The following LRRTM4 variants were observed in gnomAD, a reference collection of about 807,000 sequenced individuals.
LRRTM4 encodes leucine-rich repeat transmembrane neuronal protein 4.
In LRRTM4, 25 loss-of-function variants were observed where a neutral mutation model predicts 47.6. The ratio of observed to expected loss-of-function variants is 0.53; its 90% confidence interval spans 0.38 to 0.73. The LOEUF is 0.73. LRRTM4 is among the 30% of genes least tolerant of loss of function. LRRTM4 has a pLI of 0.00. For missense variants in LRRTM4, 638 were observed against 713.4 expected, an observed-to-expected ratio of 0.89 and a Z score of 1.20; for synonymous variants, 311 against 269.5, an observed-to-expected ratio of 1.15 and a Z score of -1.51.
At chr2:77,479,707 ATC>A (rs1677580262) in intron 3 of LRRTM4, among the ~76,000 whole-genome samples, 2 of 150,594 alleles carry the variant, frequency 1.3e-5, no homozygotes, top group African/African-American at 4.9e-5. Context: ...TCTCGTCTCC[ATC>A]TCTCTCTTTC....
chr2:77,269,329 C>T (rs563635980), intron 3 of LRRTM4, among the ~76,000 whole-genome samples: 1 of 152,106 alleles, frequency 6.6e-6, no homozygotes, highest in African/African-American at 2.4e-5. Context: ...TAGATTGACT[C>T]ATAAATGTTC....
At chr2:77,418,150 A>G (rs1186695997) in intron 3 of LRRTM4, among the ~76,000 whole-genome samples, 1 of 152,212 alleles carries the variant, frequency 6.6e-6, no homozygotes, top group Admixed American at 6.5e-5. Context: ...AAGGGTTCTT[A>G]GCGTAGACCC....
intron 3 of LRRTM4, among the ~76,000 whole-genome samples, chr2:77,351,734 C>A (rs1037511763): frequency 6.6e-6 from 1 of 151,116 alleles, no homozygotes; most frequent in Non-Finnish European, 1.5e-5. Flanking sequence ...GTCATGAATT[C>A]AGACTACTTG....
At chr2:76,876,806 A>G (rs1019492117) in intron 3 of LRRTM4, among the ~76,000 whole-genome samples, 3 of 151,996 alleles carry the variant, frequency 2.0e-5, no homozygotes, top group Non-Finnish European at 4.4e-5. Context: ...ATCTCTGTCA[A>G]TTTTTTATTT....
chr2:77,193,496 C>CT (rs965035828), intron 3 of LRRTM4, among the ~76,000 whole-genome samples: 43 of 145,202 alleles, frequency 3.0e-4, no homozygotes, highest in South Asian at 2.6e-3. Context: ...ATGCCTTGCT[C>CT]TTTTTTTTTT....
At chr2:76,892,886 G>A (rs1368340871) in intron 3 of LRRTM4, among the ~76,000 whole-genome samples, 1 of 151,098 alleles carries the variant, frequency 6.6e-6, no homozygotes, top group Non-Finnish European at 1.5e-5. Flanking sequence ...ATGAAAATGT[G>A]GTAAGAAACA....
At chr2:77,134,276 C>T (rs975803042) in intron 3 of LRRTM4, among the ~76,000 whole-genome samples, 3 of 151,942 alleles carry the variant, frequency 2.0e-5, no homozygotes, top group Admixed American at 6.6e-5. Flanking sequence ...CTTCTAGTGC[C>T]GTGACTTGTT....
chr2:76,795,365 C>CAACT (rs773857095), intron 3 of LRRTM4, among the ~76,000 whole-genome samples: 1 of 145,710 alleles, frequency 6.9e-6, no homozygotes, highest in Admixed American at 7.1e-5. Context: ...TGAATTTAAC[C>CAACT]AACTTTATAT....
chr2:77,349,026 A>G (rs1455954827), intron 3 of LRRTM4, among the ~76,000 whole-genome samples: 1 of 151,946 alleles, frequency 6.6e-6, no homozygotes, highest in Non-Finnish European at 1.5e-5. Context: ...AAGCATTTCC[A>G]GTAATATCAG....
At chr2:77,322,454 C>T (rs2104229742) in intron 3 of LRRTM4, among the ~76,000 whole-genome samples, 1 of 152,140 alleles carries the variant, frequency 6.6e-6, no homozygotes, top group African/African-American at 2.4e-5. Flanking sequence ...AAAAATTATT[C>T]TGCTTTCACT....
chr2:77,467,207 C>A (rs1677014942), intron 3 of LRRTM4, among the ~76,000 whole-genome samples: 1 of 152,086 alleles, frequency 6.6e-6, no homozygotes, highest in South Asian at 2.1e-4. Context: ...AGCTCTGACT[C>A]TTTTCCCCCT....
At chr2:77,241,362 C>T (rs181809474) in intron 3 of LRRTM4, among the ~76,000 whole-genome samples, 2 of 151,974 alleles carry the variant, frequency 1.3e-5, no homozygotes, top group East Asian at 1.9e-4. Flanking sequence ...TTTAGATATC[C>T]GTGTGCAAAA....
intron 3 of LRRTM4, among the ~76,000 whole-genome samples, chr2:77,331,987 T>C (rs1374099123): frequency 6.6e-6 from 1 of 152,140 alleles, no homozygotes; most frequent in African/African-American, 2.4e-5. Context: ...TATAATTTAA[T>C]TAATTAAGAT....
At chr2:76,773,523 T>C (rs922895218) in intron 3 of LRRTM4, among the ~76,000 whole-genome samples, 3 of 152,136 alleles carry the variant, frequency 2.0e-5, no homozygotes, top group Non-Finnish European at 4.4e-5. Flanking sequence ...TGATTTCATA[T>C]AGTAAAGTGA....
intron 3 of LRRTM4, among the ~76,000 whole-genome samples, chr2:76,910,211 T>C (rs1022423841): frequency 6.6e-6 from 1 of 151,906 alleles, no homozygotes; most frequent in East Asian, 1.9e-4. Context: ...ATGGATGAAA[T>C]TGGAAATCAT....
intron 3 of LRRTM4, among the ~76,000 whole-genome samples, chr2:77,051,339 A>G (rs899225834): frequency 2.0e-5 from 3 of 152,172 alleles, no homozygotes; most frequent in African/African-American, 7.2e-5. Flanking sequence ...AGATAATCAT[A>G]AAAGCAGGAT....
intron 3 of LRRTM4, among the ~76,000 whole-genome samples, chr2:77,042,543 G>C (rs527350502): frequency 6.6e-6 from 1 of 151,778 alleles, no homozygotes; most frequent in Non-Finnish European, 1.5e-5. Context: ...CAAGAGTGTA[G>C]TTTTTGTATA....
At chr2:76,844,425 G>T (rs59197739) in intron 3 of LRRTM4, among the ~76,000 whole-genome samples, 1 of 151,994 alleles carries the variant, frequency 6.6e-6, no homozygotes, top group Non-Finnish European at 1.5e-5. Flanking sequence ...GTGAGCCACC[G>T]TGCCTGGCCT....
chr2:76,778,673 A>G (rs1674172826), intron 3 of LRRTM4, among the ~76,000 whole-genome samples: 1 of 151,680 alleles, frequency 6.6e-6, no homozygotes, highest in African/African-American at 2.4e-5. Flanking sequence ...TAGTCTTGCT[A>G]GCGGTCTATC....
Sources: gnomAD v4.1 joint callset for allele counts (sites outside exome capture counted in the v4.1 genomes callset) on GRCh38, gnomAD v4.1.1 for gene constraint, MANE v1.5 for transcripts, NCBI Gene and HGNC (gene_info 2026-07-23, HGNC 2026-07-21) for gene names.